NEB: variants seen among roughly 807,000 people sequenced by gnomAD.
NEB encodes the protein nebulin.
Under a neutral mutation model 952.2 loss-of-function variants are expected in NEB, and 512 were observed. The ratio of observed to expected loss-of-function variants is 0.54; its 90% CI spans 0.50 to 0.58. The LOEUF is 0.58. NEB is among the 20% of genes least tolerant of loss of function. NEB has a pLI of 0.00. For missense variants in NEB, 8,428 were observed against 9,231.1 expected, an observed-to-expected ratio of 0.91 and a Z score of 3.56; for synonymous variants, 2,900 against 3,149.8, an observed-to-expected ratio of 0.92 and a Z score of 2.66.
chr2:151,507,824 T>C, intron 162 of NEB, 181 bp downstream of exon 162: 1 of 575,628 alleles, frequency 1.7e-6, no homozygotes, highest in Non-Finnish European at 3.1e-6. Context: ...TTTCATGCTG[T>C]GATTTGGGAT....
At chr2:151,704,931 CGTCCTTA>C (rs1559462319) in intron 13 of NEB, among the ~76,000 whole-genome samples, 1 of 152,208 alleles carries the variant, frequency 6.6e-6, no homozygotes, top group African/African-American at 2.4e-5. Context: ...CCTCTGACCA[CGTCCTTA>C]GTAGCAGAGA....
At chr2:151,499,150 C>CTGAT (rs1221865564) in intron 169 of NEB, 148 bp downstream of exon 169, 2 of 483,928 alleles carry the variant, frequency 4.1e-6, no homozygotes, top group East Asian at 7.2e-5. Context: ...ATGGGGAAAA[C>CTGAT]TGATTCATAG....
At position 151,710,461 on chromosome 2, in the gene NEB, G is replaced by A. The variant is rs778204122; in HGVS notation, c.900C>T (p.Ala300=). Residue 300 remains alanine, a synonymous_variant, in exon 11 of 182, where the codon GCC becomes GCT. Transcript: ENST00000397345. Reference sequence around the variant, plus strand: ...TGCTAATGTTATCAGCATTCATTCTGGCATTTGCAACTTCAAAGCAAGGTG... The same window carrying A: ...TGCTAATGTTATCAGCATTCATTCTAGCATTTGCAACTTCAAAGCAAGGTG... ...SETPCFEVAN[A]RMNADNISTR... The A allele has an allele frequency of 1.2e-6, 2 of 1,611,888 alleles. No homozygotes were observed. Among genetic ancestry groups the A allele is most frequent in the African/African-American group, 1.3e-5 (1 of 74,944 alleles).
intron 44 of NEB, among the ~76,000 whole-genome samples, chr2:151,664,258 G>A (rs563860375): frequency 6.6e-6 from 1 of 152,312 alleles, no homozygotes; most frequent in African/African-American, 2.4e-5. Flanking sequence ...GCTTAGGATT[G>A]TAAGTGATTT....
chr2:151,685,720 G>C (rs1411568444), intron 27 of NEB, among the ~76,000 whole-genome samples: 1 of 152,190 alleles, frequency 6.6e-6, no homozygotes, highest in Non-Finnish European at 1.5e-5. Context: ...CAAGGTGCTA[G>C]TTGGGTCAAA....
rs1436389417 is a variant in NEB at position 151,694,448 on chromosome 2, T to A, written c.1783-12A>T. On this transcript the variant is annotated splice_polypyrimidine_tract_variant and intron_variant, in intron 19 of 181. Coordinates refer to ENST00000397345, the MANE Select transcript of NEB (RefSeq NM_001164508.2). ...TTCTTGTACATCACCTGCAAAGACA[T>A]CACACATGCCAGATTCCACTCAAGA... The A allele has an allele frequency of 7.4e-6, 12 of 1,612,802 alleles. No homozygotes were observed. The highest frequency in any genetic ancestry group is 1.3e-5 in the African/African-American group (1 of 74,892).
At position 151,617,447 on chromosome 2, in the gene NEB, C is replaced by T; in HGVS notation, c.11098G>A (p.Asp3700Asn). Residue 3700 changes from aspartate to asparagine, a missense_variant, in exon 75 of 182, where the codon GAC becomes AAC. Transcript: ENST00000397345. ...ACATGAATAGTTTTCTTGTCATTGT[C>T]CCAGGCTTCAGTATATAAGCGCTAC... ...MNKRLYTEAW[D>N]NDKKTIHVMP... 1 of 1,543,638 alleles carries T rather than the reference C, an allele frequency of 6.5e-7. No individual in the cohort carries two copies.
intron 34 of NEB, among the ~76,000 whole-genome samples, chr2:151,677,016 T>C (rs1157345450): frequency 6.6e-6 from 1 of 152,240 alleles, no homozygotes; most frequent in Non-Finnish European, 1.5e-5. Context: ...AGCCAGAGCA[T>C]AGACGCTGCT....
chr2:151,649,602 A>G (rs928671326), intron 54 of NEB, among the ~76,000 whole-genome samples: 1 of 152,140 alleles, frequency 6.6e-6, no homozygotes, highest in Non-Finnish European at 1.5e-5. Context: ...TTTGCATATA[A>G]TTACTCCACC....
chr2:151,667,018 T>TAGGA (rs1310873002), intron 40 of NEB, among the ~76,000 whole-genome samples: 6 of 152,026 alleles, frequency 3.9e-5, no homozygotes, highest in African/African-American at 1.4e-4. Flanking sequence ...TCAATTCATA[T>TAGGA]AGGAATATAA....
At position 151,639,813 on chromosome 2, in the gene NEB, C is replaced by T. The variant is rs1476882474; in HGVS notation, c.8889+44G>A. 8.1e-6 allele frequency: 12 copies of T among 1,483,746 alleles called. No individual in the cohort carries two copies. The Admixed American group carries it at 8.5e-5, about 10-fold the overall frequency. 91.9% of individuals were successfully genotyped at this position (1,483,746 alleles called of 1,614,324 possible). On this transcript the variant is annotated intron_variant, in intron 62 of 181. Transcript: ENST00000397345. ...CATTAATGTTTCTTTTTTGTTGATT[C>T]AGCTTTAGGAGCCCCACTTCGATTC...
chr2:151,525,924 G>T, intron 150 of NEB, 34 bp downstream of exon 150: 3 of 1,525,886 alleles, frequency 2.0e-6, no homozygotes, highest in Non-Finnish European at 2.7e-6. Context: ...AAGTGGCATT[G>T]TTGCTGCCAA....
intron 180 of NEB, 110 bp downstream of exon 180, chr2:151,490,257 TAAAGG>T (rs2055230949): frequency 7.4e-7 from 1 of 1,349,530 alleles, no homozygotes; most frequent in Non-Finnish European, 1.0e-6. Context: ...CTTTTCTCAT[TAAAGG>T]AAAGGATGAA....
intron 106 of NEB, 143 bp downstream of exon 106, chr2:151,576,008 A>C: frequency 1.3e-6 from 1 of 765,396 alleles, no homozygotes. Context: ...AAAATTAATA[A>C]GCAAACCAAG....
intron 71 of NEB, 72 bp downstream of exon 71, chr2:151,625,462 C>A (rs939747379): frequency 3.0e-5 from 36 of 1,198,508 alleles, no homozygotes; most frequent in Non-Finnish European, 4.1e-5. Context: ...GGATTAATTT[C>A]ATAATTCTCA....
chr2:151,553,505 A>G lies in NEB; in HGVS notation c.19627-3T>C. On this transcript the variant is annotated splice_polypyrimidine_tract_variant and splice_region_variant and intron_variant, in intron 126 of 181. Coordinates refer to ENST00000397345, the MANE Select transcript of NEB (RefSeq NM_001164508.2). ...TTGAGGTCATCCTTGTATACAATCT[A>G]GAGGGTTTTGATAGAAAGGATCAGA... The G allele has an allele frequency of 6.3e-7, 1 of 1,597,580 alleles. No individual in the cohort carries two copies. Among genetic ancestry groups the G allele is most frequent in the Non-Finnish European group, 8.6e-7 (1 of 1,167,714 alleles).
At chr2:151,536,950 C>T (rs987371705) in intron 141 of NEB, among the ~76,000 whole-genome samples, 182 bp downstream of exon 141, 4 of 152,086 alleles carry the variant, frequency 2.6e-5, no homozygotes, top group African/African-American at 9.7e-5. Context: ...TAAATGCCTT[C>T]AGTCAATGAG....
At chr2:151,569,046 T>G (rs2096536643) in intron 110 of NEB, among the ~76,000 whole-genome samples, 1 of 152,214 alleles carries the variant, frequency 6.6e-6, no homozygotes, top group Non-Finnish European at 1.5e-5. Flanking sequence ...ATTTTTCCAT[T>G]TATACAATGC....
chr2:151,708,175 A>C (rs1186146101), intron 12 of NEB, among the ~76,000 whole-genome samples: 1 of 151,940 alleles, frequency 6.6e-6, no homozygotes, highest in Non-Finnish European at 1.5e-5. Flanking sequence ...TTCCCTTTCT[A>C]CTGGATTCTT....
Sources: gnomAD v4.1 joint callset for allele counts (sites outside exome capture counted in the v4.1 genomes callset) on GRCh38, gnomAD v4.1.1 for gene constraint, MANE v1.5 for transcripts, NCBI Gene and HGNC (gene_info 2026-07-23, HGNC 2026-07-21) for gene names.